The following ST18 variants were observed in gnomAD, a reference collection of about 807,000 sequenced individuals.
The protein encoded by ST18 is suppression of tumorigenicity 18 protein.
ST18 carries 50 observed loss-of-function variants against 110.0 expected under a neutral mutation model. That is an observed-to-expected ratio of 0.45 (90% confidence interval 0.36 to 0.58). The LOEUF (loss-of-function observed/expected upper bound fraction) is 0.58. Among genes scored for constraint, ST18 ranks in the 20% least tolerant of loss-of-function variants. ST18 has a pLI of 0.00. For missense variants in ST18, 1,306 were observed against 1,280.1 expected, an observed-to-expected ratio of 1.02 and a Z score of -0.31; for synonymous variants, 461 against 452.4, an observed-to-expected ratio of 1.02 and a Z score of -0.24.
chr8:52,163,642 G>A (rs1246365530), intron 13 of ST18, among the ~76,000 whole-genome samples: 2 of 152,164 alleles, frequency 1.3e-5, no homozygotes, highest in Admixed American at 1.3e-4. Context: ...AGGCAGAAAG[G>A]TGATGAAGGA....
At position 52,200,379 on chromosome 8, in the gene ST18, T is replaced by A. The variant is rs143565925; in HGVS notation, c.86+11700A>T. Among the ~76,000 whole-genome samples, 56 of 152,322 alleles carry A rather than the reference T, an allele frequency of 3.7e-4. 1 individual carries two copies. The East Asian group carries it at 0.011, about 29-fold the overall frequency. On this transcript the variant is annotated intron_variant, in intron 8 of 25. Coordinates refer to ENST00000689386, the MANE Select transcript of ST18 (RefSeq NM_001352837.2). Reference sequence around the variant, plus strand: ...GCATTGAGCAAAAACCTGGTGCAAGTGAGCATGTGAGACTCGCAGCTGTGC... The same window carrying A: ...GCATTGAGCAAAAACCTGGTGCAAGAGAGCATGTGAGACTCGCAGCTGTGC...
chr8:52,246,784 C>T (rs2093893797), intron 2 of ST18: 1 of 152,190 alleles, frequency 6.6e-6, no homozygotes, highest in Non-Finnish European at 1.5e-5. Flanking sequence ...GTTAAAAACA[C>T]CAAACACAAT....
At chr8:52,343,528 G>A (rs1057104579) in intron 2 of ST18, among the ~76,000 whole-genome samples, 2 of 152,128 alleles carry the variant, frequency 1.3e-5, no homozygotes, top group Non-Finnish European at 2.9e-5. Flanking sequence ...TTAGTCCTCC[G>A]AGCAAAGTCC....
At chr8:52,267,777 C>T (rs1389675702) in intron 2 of ST18, among the ~76,000 whole-genome samples, 3 of 152,196 alleles carry the variant, frequency 2.0e-5, no homozygotes, top group Admixed American at 6.5e-5. Flanking sequence ...TGGGAATCCA[C>T]GGAGAGCCCA....
intron 19 of ST18, 53 bp from the exon 20 acceptor site, chr8:52,133,354 G>C: frequency 6.3e-7 from 1 of 1,591,032 alleles, no homozygotes; most frequent in Non-Finnish European, 8.6e-7. Flanking sequence ...TGGGGGAGTG[G>C]GGGTCACACT....
At chr8:52,120,299 A>T (rs1477629876) in intron 23 of ST18, among the ~76,000 whole-genome samples, 3 of 152,188 alleles carry the variant, frequency 2.0e-5, no homozygotes, top group African/African-American at 7.2e-5. Flanking sequence ...ATTGTTATAA[A>T]TTTCTTTGAC....
chr8:52,266,456 G>A lies in ST18; in HGVS notation c.-464-36379C>T, dbSNP rs149648298. On this transcript the variant is annotated intron_variant, in intron 2 of 25. Coordinates refer to ENST00000689386, the MANE Select transcript of ST18 (RefSeq NM_001352837.2). ...ACCCTTGAAGAAGTGGACAGGTGTG[G>A]AATCCATTGCACACATGAAGAGAAT... Among the ~76,000 whole-genome samples, 380 of 152,116 alleles carry A rather than the reference G, an allele frequency of 2.5e-3. 1 individual carries two copies. The highest frequency in any genetic ancestry group is 4.4e-3 in the Non-Finnish European group (298 of 68,004).
Position 52,112,573 on chromosome 8 carries a change from A to G in ST18, c.*625T>C. The G allele has an allele frequency of 6.6e-6, 1 of 152,622 alleles. No homozygotes were observed. Among genetic ancestry groups the G allele is most frequent in the East Asian group, 1.9e-4 (1 of 5,196 alleles). The allele number at this position is 152,622 out of a possible 1,614,324, so 9.5% of individuals were successfully genotyped here. On this transcript the variant is annotated 3_prime_UTR_variant, in exon 26 of 26. Transcript: ENST00000689386. The stretch of plus-strand genomic sequence containing the variant: ...CTTTTGTGAGTGCGGATTCCCCACT[A>G]GTGGGCGCCATTTGTCTTCTTATTC...
chr8:52,172,584 C>A lies in ST18; in HGVS notation c.278-1G>T. On this transcript the variant is annotated splice_acceptor_variant, in intron 9 of 25. Transcript: ENST00000689386. LOFTEE classifies it high-confidence loss of function. ...TCCATAGGTTTTATCATGATTTCCTCTATGGAAAAAGAAAACCAATATTTG... is the reference window on the plus strand; with the variant it reads ...TCCATAGGTTTTATCATGATTTCCTATATGGAAAAAGAAAACCAATATTTG... 1 of 1,547,082 alleles carries A rather than the reference C, an allele frequency of 6.5e-7. No individual in the cohort carries two copies. Among genetic ancestry groups the A allele is most frequent in the Non-Finnish European group, 8.7e-7 (1 of 1,152,570 alleles).
intron 8 of ST18, among the ~76,000 whole-genome samples, chr8:52,207,686 T>C (rs2080582745): frequency 6.6e-6 from 1 of 152,184 alleles, no homozygotes; most frequent in Non-Finnish European, 1.5e-5. Context: ...GACAAATTGG[T>C]ACACAGCAAA....
intron 2 of ST18, among the ~76,000 whole-genome samples, chr8:52,237,203 G>T (rs2092803515): frequency 6.6e-6 from 1 of 152,176 alleles, no homozygotes; most frequent in South Asian, 2.1e-4. Flanking sequence ...AGAGGTATGT[G>T]GTCCACAATG....
chr8:52,328,135 T>C (rs1229617362), intron 2 of ST18, among the ~76,000 whole-genome samples: 1 of 152,184 alleles, frequency 6.6e-6, no homozygotes, highest in African/African-American at 2.4e-5. Context: ...TGAGTATTCA[T>C]CCTAGTTTTG....
rs866662451 is a variant in ST18 at position 52,377,133 on chromosome 8, T to A, written c.-465+32195A>T. Among the ~76,000 whole-genome samples, 6 of 152,144 alleles carry A rather than the reference T, an allele frequency of 3.9e-5. 1 individual carries two copies. The South Asian group carries it at 6.2e-4, about 16-fold the overall frequency. On this transcript the variant is annotated intron_variant, in intron 2 of 25. Coordinates refer to ENST00000689386, the MANE Select transcript of ST18 (RefSeq NM_001352837.2). Reference sequence around the variant, plus strand: ...AATCTCTATTAGTACATGGAAAAAATTGGTGATGTAGACCACAATGTATTG... The same window carrying A: ...AATCTCTATTAGTACATGGAAAAAAATGGTGATGTAGACCACAATGTATTG...
At chr8:52,246,529 A>T (rs1312493881) in intron 2 of ST18, 1 of 152,176 alleles carries the variant, frequency 6.6e-6, no homozygotes. Flanking sequence ...AACTCTGCAT[A>T]ATAAGCCAAT....
At chr8:52,348,698 C>T (rs980766353) in intron 2 of ST18, among the ~76,000 whole-genome samples, 8 of 152,108 alleles carry the variant, frequency 5.3e-5, no homozygotes, top group African/African-American at 1.7e-4. Flanking sequence ...GAGCCGAGAT[C>T]GTGCCATTGC....
chr8:52,195,882 T>C (rs769672708), intron 8 of ST18, among the ~76,000 whole-genome samples: 7 of 152,270 alleles, frequency 4.6e-5, no homozygotes, highest in Non-Finnish European at 8.8e-5. Context: ...AATGCCACAA[T>C]AATGGGGGAT....
intron 2 of ST18, among the ~76,000 whole-genome samples, chr8:52,408,277 G>A (rs1845215326): frequency 6.6e-6 from 1 of 152,210 alleles, no homozygotes; most frequent in African/African-American, 2.4e-5. Flanking sequence ...TTTATCTGAA[G>A]GGACCATTCC....
At chr8:52,190,039 C>T (rs1178050553) in intron 8 of ST18, among the ~76,000 whole-genome samples, 1 of 152,062 alleles carries the variant, frequency 6.6e-6, no homozygotes, top group Non-Finnish European at 1.5e-5. Flanking sequence ...ATCTCAAATC[C>T]AAAGATTCAA....
At chr8:52,203,888 G>T (rs959680343) in intron 8 of ST18, among the ~76,000 whole-genome samples, 1 of 152,198 alleles carries the variant, frequency 6.6e-6, no homozygotes, top group Non-Finnish European at 1.5e-5. Context: ...CAAGGGAGCT[G>T]TGTGACAGGC....
Sources: allele counts gnomAD v4.1 joint callset (sites outside exome capture counted in the v4.1 genomes callset), GRCh38; gene constraint gnomAD v4.1.1; transcripts MANE v1.5; gene names NCBI Gene and HGNC (gene_info 2026-07-23, HGNC 2026-07-21).